The following THRB variants were observed in gnomAD, a reference collection of about 807,000 sequenced individuals.
The protein encoded by THRB is nuclear receptor subfamily 1 group A member 2.
THRB carries 12 observed loss-of-function variants against 47.8 expected under a neutral mutation model. The observed-to-expected ratio is 0.25, with a 90% CI of 0.16 to 0.41. THRB has a LOEUF of 0.41. Among genes scored for constraint, THRB ranks in the 10% least tolerant of loss-of-function variants. The pLI is 1.00. For missense variants in THRB, 348 were observed against 589.2 expected (o/e 0.59, Z 4.24); for synonymous variants, 218 against 212.2 (o/e 1.03, Z -0.24).
chr3:24,478,958 C>A (rs2125847335), intron 1 of THRB, among the ~76,000 whole-genome samples: 1 of 152,208 alleles, frequency 6.6e-6, no homozygotes, highest in East Asian at 1.9e-4. Flanking sequence ...ATAGGGGGAG[C>A]AGTGCTAATG....
At chr3:24,409,839 C>A (rs2068127747) in intron 1 of THRB, among the ~76,000 whole-genome samples, 1 of 151,788 alleles carries the variant, frequency 6.6e-6, no homozygotes, top group South Asian at 2.1e-4. Flanking sequence ...TGTTCCTGAA[C>A]TCACTGGGTA....
chr3:24,438,547 T>G (rs2071218608), intron 1 of THRB, among the ~76,000 whole-genome samples: 1 of 127,932 alleles, frequency 7.8e-6, no homozygotes, highest in African/African-American at 2.6e-5. Flanking sequence ...GCACATGCAT[T>G]CTTTCTTTAA....
chr3:24,223,237 A>G (rs1002665879), intron 4 of THRB, among the ~76,000 whole-genome samples: 1 of 152,146 alleles, frequency 6.6e-6, no homozygotes, highest in Non-Finnish European at 1.5e-5. Context: ...TTTGGTGCAC[A>G]AAGGTAACAA....
At chr3:24,320,659 G>A (rs2058424764) in intron 2 of THRB, among the ~76,000 whole-genome samples, 1 of 151,978 alleles carries the variant, frequency 6.6e-6, no homozygotes, top group East Asian at 1.9e-4. Context: ...AATATCAAGT[G>A]TAAATATCTA....
At position 24,405,971 on chromosome 3, in the gene THRB, T is replaced by C. The variant is rs2067792151; in HGVS notation, c.-260-68600A>G. 2.6e-5 allele frequency among the ~76,000 whole-genome samples: 4 copies of C among 151,768 alleles called. No homozygotes were observed. In the South Asian group the frequency reaches 8.3e-4, roughly 31 times the overall value. ...TATTTAGTCCTAGTTATTTTCTATT[T>C]TAGAGTTGCTAATGTGATATGTGTT... On this transcript the variant is annotated intron_variant, in intron 1 of 10. Transcript: ENST00000646209.
chr3:24,261,434 G>C (rs1335747545), intron 3 of THRB, among the ~76,000 whole-genome samples: 1 of 145,508 alleles, frequency 6.9e-6, no homozygotes, highest in Non-Finnish European at 1.5e-5. Flanking sequence ...AGGAGATGGA[G>C]GTTGCAGTGA....
At chr3:24,481,653 A>G (rs1696439582) in intron 1 of THRB, among the ~76,000 whole-genome samples, 1 of 152,096 alleles carries the variant, frequency 6.6e-6, no homozygotes, top group African/African-American at 2.4e-5. Context: ...GGGTGAGGGA[A>G]AGTGTCATTG....
intron 5 of THRB, among the ~76,000 whole-genome samples, chr3:24,180,660 A>G (rs983768473): frequency 6.6e-6 from 1 of 152,186 alleles, no homozygotes; most frequent in African/African-American, 2.4e-5. Context: ...GCTCATATTT[A>G]TTCCAGTTCA....
intron 1 of THRB, among the ~76,000 whole-genome samples, chr3:24,418,616 A>T (rs2068960722): frequency 6.6e-6 from 1 of 151,932 alleles, no homozygotes; most frequent in Non-Finnish European, 1.5e-5. Context: ...ATCACTAAGG[A>T]CATTTGTGAA....
chr3:24,378,052 T>C (rs937544230), intron 1 of THRB, among the ~76,000 whole-genome samples: 2 of 152,202 alleles, frequency 1.3e-5, no homozygotes, highest in Non-Finnish European at 2.9e-5. Context: ...GTTTGCAAGG[T>C]TGAATTAGAC....
chr3:24,342,856 G>A lies in THRB; in HGVS notation c.-260-5485C>T, dbSNP rs141403077. Among the ~76,000 whole-genome samples the A allele has an allele frequency of 2.1e-3, 313 of 152,322 alleles. 3 individuals carry two copies. The highest frequency in any genetic ancestry group is 7.3e-3 in the African/African-American group (303 of 41,582). On this transcript the variant is annotated intron_variant, in intron 1 of 10. Coordinates refer to ENST00000646209, the MANE Select transcript of THRB (RefSeq NM_001354712.2). ...CCCAGGCTGCAGCAACTATAGGAGC[G>A]AAGTGCAGGAAATACCGAGGGAATA... is the stretch of plus-strand genomic sequence containing the variant.
chr3:24,328,939 A>G lies in THRB; in HGVS notation c.-189+8361T>C, dbSNP rs561522949. 9.9e-5 allele frequency among the ~76,000 whole-genome samples: 15 copies of G among 152,068 alleles called. No individual in the cohort carries two copies. The South Asian group carries it at 3.1e-3, about 32-fold the overall frequency. On this transcript the variant is annotated intron_variant, in intron 2 of 10. Transcript: ENST00000646209. ...CAACTTTCCTGTCCTGCCAGCATGA[A>G]TGTTTCTTCTTTTTTTTTTCTTTTT...
intron 1 of THRB, among the ~76,000 whole-genome samples, chr3:24,405,868 T>C (rs1332091612): frequency 2.0e-5 from 3 of 151,778 alleles, no homozygotes; most frequent in East Asian, 1.9e-4. Flanking sequence ...TCAATTAGTA[T>C]AGAATATTTT....
At chr3:24,151,294 G>A (rs1367943369) in intron 6 of THRB, among the ~76,000 whole-genome samples, 3 of 152,136 alleles carry the variant, frequency 2.0e-5, no homozygotes, top group African/African-American at 7.2e-5. Flanking sequence ...TAGGGAAAAG[G>A]AAAACACCTT....
chr3:24,486,746 T>C (rs6550874), intron 1 of THRB, among the ~76,000 whole-genome samples: 7,408 of 152,268 alleles, frequency 0.049, 413 homozygotes, highest in African/African-American at 0.14. Flanking sequence ...ATCATCTACA[T>C]AGGTCATAAC....
At chr3:24,305,232 T>A (rs960631114) in intron 2 of THRB, among the ~76,000 whole-genome samples, 1 of 152,178 alleles carries the variant, frequency 6.6e-6, no homozygotes, top group Non-Finnish European at 1.5e-5. Flanking sequence ...GAAAGGCAGA[T>A]TATCTGTCCT....
chr3:24,404,322 T>A (rs997027990), intron 1 of THRB, among the ~76,000 whole-genome samples: 2 of 151,956 alleles, frequency 1.3e-5, no homozygotes, highest in Non-Finnish European at 2.9e-5. Context: ...TCAAACTCCA[T>A]ATTGCAACTG....
chr3:24,128,863 C>CTTTTTTTTTTTTTTTTTTTTTT (rs57890674), intron 9 of THRB, among the ~76,000 whole-genome samples: 1 of 87,058 alleles, frequency 1.1e-5, no homozygotes, highest in African/African-American at 3.4e-5. Context: ...AAACATAACT[C>CTTTTTTTTTTTTTTTTTTTTTT]TTTTTTTTTT....
chr3:24,408,976 GA>G (rs869154490), intron 1 of THRB, among the ~76,000 whole-genome samples: 2 of 148,108 alleles, frequency 1.4e-5, no homozygotes, highest in African/African-American at 2.4e-5. Flanking sequence ...GGTGGCAGTT[GA>G]AAAAAATTTT....
Sources: gnomAD v4.1 joint callset for allele counts (sites outside exome capture counted in the v4.1 genomes callset) on GRCh38, gnomAD v4.1.1 for gene constraint, MANE v1.5 for transcripts, NCBI Gene and HGNC (gene_info 2026-07-23, HGNC 2026-07-21) for gene names.